RASA2: variants seen among roughly 807,000 people sequenced by gnomAD.
RASA2 encodes ras GTPase-activating protein 2.
In RASA2, 155 loss-of-function variants were observed where a neutral mutation model predicts 118.2. The ratio of observed to expected loss-of-function variants is 1.31; its 90% CI spans 1.15 to 1.50. The LOEUF (loss-of-function observed/expected upper bound fraction) is 1.50, where lower values mean the gene tolerates loss of function less well. Ranked by LOEUF, RASA2 falls within the 40% of genes most tolerant of loss-of-function variation. The pLI is 0.00. For missense variants in RASA2, 1,016 were observed against 1,009.6 expected (o/e 1.01, Z -0.09); for synonymous variants, 353 against 349.1 (o/e 1.01, Z -0.12).
rs746485118 is a variant in RASA2, at chr3:141,571,005, C to A, written c.957C>A (p.Tyr319Ter). The A allele has an allele frequency of 1.2e-6, 2 of 1,612,172 alleles. No individual in the cohort carries two copies. The highest frequency in any genetic ancestry group is 1.1e-5 in the South Asian group (1 of 90,756). ...TAAATATATGTTATACAGAAGACTA[C>A]GTGCTTCCTTCAGAGTACTATGGTC... ...LRLNICYTED[Y>*]VLPSEYYGPL... Residue 319 changes from tyrosine (Y) to a stop codon, truncating the protein, a stop_gained, in exon 10 of 24, where the codon TAC becomes TAA. Transcript: ENST00000286364. LOFTEE classifies it high-confidence loss of function.
At chr3:141,555,810 A>G in intron 6 of RASA2, 30 bp from the exon 7 acceptor site, 1 of 1,580,132 alleles carries the variant, frequency 6.3e-7, no homozygotes, top group Non-Finnish European at 8.7e-7. Flanking sequence ...GTTAAGTTCT[A>G]CAAGGTAAAA....
chr3:141,517,472 T>C (rs2082044204), intron 3 of RASA2, among the ~76,000 whole-genome samples: 1 of 152,070 alleles, frequency 6.6e-6, no homozygotes, highest in Admixed American at 6.5e-5. Context: ...AGTTGGGATG[T>C]GCTACACACT....
intron 19 of RASA2, among the ~76,000 whole-genome samples, chr3:141,598,607 C>A (rs2083412391): frequency 6.6e-6 from 1 of 152,106 alleles, no homozygotes; most frequent in Non-Finnish European, 1.5e-5. Flanking sequence ...CCTGAAGAAT[C>A]CTCAGAACAG....
chr3:141,514,995 T>TG (rs1371204879), intron 2 of RASA2, among the ~76,000 whole-genome samples: 4 of 152,032 alleles, frequency 2.6e-5, no homozygotes, highest in Admixed American at 2.6e-4. Flanking sequence ...GCAGGTATGA[T>TG]GGGGTAACTG....
At chr3:141,570,653 T>G (rs751043155) in intron 9 of RASA2, among the ~76,000 whole-genome samples, 3 of 152,238 alleles carry the variant, frequency 2.0e-5, no homozygotes, top group Non-Finnish European at 4.4e-5. Context: ...CAAACTCTTG[T>G]TCAACTCCTT....
chr3:141,550,221 C>A (rs1371954184), intron 5 of RASA2, among the ~76,000 whole-genome samples: 2 of 152,064 alleles, frequency 1.3e-5, no homozygotes, highest in Admixed American at 1.3e-4. Flanking sequence ...ATTGAGTGAT[C>A]AAAGTTAACA....
chr3:141,582,080 TAATG>T (rs1236604732), intron 17 of RASA2, among the ~76,000 whole-genome samples: 1 of 152,240 alleles, frequency 6.6e-6, no homozygotes, highest in East Asian at 1.9e-4. Context: ...AGTCTTAACT[TAATG>T]AATCCAAATT....
chr3:141,552,571 T>C (rs1366976529), intron 5 of RASA2, among the ~76,000 whole-genome samples: 3 of 152,188 alleles, frequency 2.0e-5, no homozygotes, highest in Non-Finnish European at 4.4e-5. Flanking sequence ...AGATATCATT[T>C]TGAGGTTTAG....
At chr3:141,589,440 T>A (rs553880098) in intron 19 of RASA2, among the ~76,000 whole-genome samples, 1 of 152,162 alleles carries the variant, frequency 6.6e-6, no homozygotes, top group African/African-American at 2.4e-5. Context: ...CCTACAAACA[T>A]AGACAAAAAA....
At chr3:141,610,176 C>T in intron 23 of RASA2, 110 bp downstream of exon 23, 2 of 887,636 alleles carry the variant, frequency 2.3e-6, no homozygotes, top group South Asian at 4.9e-5. Flanking sequence ...ACATCCCGCT[C>T]AGGGCCATTC....
chr3:141,570,609 TTTA>T (rs2082902843), intron 9 of RASA2, among the ~76,000 whole-genome samples: 1 of 152,104 alleles, frequency 6.6e-6, no homozygotes, highest in Non-Finnish European at 1.5e-5. Flanking sequence ...ATGTTTACCT[TTTA>T]TTATCATTTT....
chr3:141,495,292 A>G (rs146820089), intron 1 of RASA2, among the ~76,000 whole-genome samples: 179 of 152,352 alleles, frequency 1.2e-3, no homozygotes, highest in African/African-American at 4.1e-3. Context: ...TGGTGGAGCT[A>G]TCAATCAGAC....
chr3:141,527,962 T>C (rs892029819), intron 3 of RASA2, among the ~76,000 whole-genome samples: 3 of 152,040 alleles, frequency 2.0e-5, no homozygotes, highest in African/African-American at 7.2e-5. Flanking sequence ...AAATGCTGTA[T>C]ATTCACATAA....
chr3:141,542,535 G>A (rs544093899), intron 5 of RASA2, among the ~76,000 whole-genome samples: 1 of 152,126 alleles, frequency 6.6e-6, no homozygotes, highest in East Asian at 1.9e-4. Flanking sequence ...AATAATTACA[G>A]ATTTACAGAA....
intron 1 of RASA2, 32 bp downstream of exon 1, chr3:141,487,248 GGCGGC>G (rs2081588673): frequency 7.7e-7 from 1 of 1,296,180 alleles, no homozygotes; most frequent in Non-Finnish European, 9.9e-7. Context: ...GGGACGCCCT[GGCGGC>G]GCTGGGCGCG....
chr3:141,585,304 C>G (rs1392201802), intron 17 of RASA2, among the ~76,000 whole-genome samples: 3 of 152,092 alleles, frequency 2.0e-5, no homozygotes, highest in African/African-American at 4.8e-5. Flanking sequence ...TGAATACTTA[C>G]AGTAAGTAAT....
chr3:141,493,112 A>G (rs1350811620), intron 1 of RASA2, among the ~76,000 whole-genome samples: 1 of 152,226 alleles, frequency 6.6e-6, no homozygotes, highest in Non-Finnish European at 1.5e-5. Context: ...CCTGTTCGGC[A>G]CTAGTCCACT....
intron 1 of RASA2, 137 bp from the exon 2 acceptor site, chr3:141,512,026 C>A (rs2081958510): frequency 1.6e-6 from 1 of 624,124 alleles, no homozygotes; most frequent in Admixed American, 3.3e-5. Flanking sequence ...CCAGCTTGAT[C>A]TTTCTGTAAT....
rs2083663245 is a variant in RASA2, at chr3:141,612,214, T to A, written c.2520-69T>A. 3 of 1,159,596 alleles carry A rather than the reference T, an allele frequency of 2.6e-6. No homozygotes were observed. In the South Asian group the frequency reaches 4.1e-5, roughly 16 times the overall value. 71.8% of individuals were successfully genotyped at this position (1,159,596 alleles called of 1,614,324 possible). A position where few individuals can be genotyped will look rare whatever the true frequency, so the allele number is the denominator to read the frequency against. On this transcript the variant is annotated intron_variant, in intron 23 of 23. Coordinates refer to ENST00000286364, the MANE Select transcript of RASA2 (RefSeq NM_006506.5). Reference sequence around the variant, plus strand: ...GGAAAATTCTAAATACTTAATGGATTATATATTTGTCACCCTTTAAATTTT... The same window carrying A: ...GGAAAATTCTAAATACTTAATGGATAATATATTTGTCACCCTTTAAATTTT...
Sources: gnomAD v4.1 joint callset for allele counts (sites outside exome capture counted in the v4.1 genomes callset) on GRCh38, gnomAD v4.1.1 for gene constraint, MANE v1.5 for transcripts, NCBI Gene and HGNC (gene_info 2026-07-23, HGNC 2026-07-21) for gene names.